The following FAM204A variants were observed in gnomAD, a reference collection of about 807,000 sequenced individuals.
FAM204A encodes protein FAM204A.
Under a neutral mutation model 35.4 loss-of-function variants are expected in FAM204A, and 16 were observed. The observed-to-expected ratio is 0.45, with a 90% CI of 0.31 to 0.69. The LOEUF (loss-of-function observed/expected upper bound fraction) is 0.69. Among genes scored for constraint, FAM204A ranks in the 30% least tolerant of loss-of-function variants. The pLI is 0.07. For missense variants in FAM204A, 240 were observed against 265.7 expected, an observed-to-expected ratio of 0.90 and a Z score of 0.67; for synonymous variants, 76 against 86.9, an observed-to-expected ratio of 0.88 and a Z score of 0.70.
intron 7 of FAM204A, among the ~76,000 whole-genome samples, chr10:118,325,488 G>A (rs1215559174): frequency 2.6e-5 from 4 of 151,766 alleles, no homozygotes; most frequent in African/African-American, 9.7e-5. Context: ...TTTTTTCCTA[G>A]AAAGGAAAAA....
chr10:118,329,292 A>G (rs900313932), intron 6 of FAM204A, among the ~76,000 whole-genome samples: 1 of 152,118 alleles, frequency 6.6e-6, no homozygotes, highest in Non-Finnish European at 1.5e-5. Context: ...TGAAACAGGC[A>G]TCATGTCATT....
In FAM204A at chr10:118,298,809, A is replaced by C. The variant is rs925311344; in HGVS notation, c.*12048T>G. 6.6e-6 allele frequency: 1 copy of C among 152,218 alleles called. No homozygotes were observed. Among genetic ancestry groups the C allele is most frequent in the Admixed American group, 6.5e-5 (1 of 15,280 alleles). The allele number at this position is 152,218 out of a possible 1,614,324, so 9.4% of individuals were successfully genotyped here. On this transcript the variant is annotated 3_prime_UTR_variant, in exon 9 of 9. Coordinates refer to ENST00000369183, the MANE Select transcript of FAM204A (RefSeq NM_022063.3). ...CCCAAGAGTGATCTAACCTTTGCAA[A>C]GCCTTCACTGATTCGGGAACCTCAA...
At chr10:118,324,534 C>T (rs1456632118) in intron 7 of FAM204A, among the ~76,000 whole-genome samples, 1 of 152,274 alleles carries the variant, frequency 6.6e-6, no homozygotes, top group East Asian at 1.9e-4. Context: ...CTGACACATG[C>T]TGCAGCAACA....
At chr10:118,314,881 G>C (rs1790248562) in intron 7 of FAM204A, among the ~76,000 whole-genome samples, 1 of 152,070 alleles carries the variant, frequency 6.6e-6, no homozygotes, top group South Asian at 2.1e-4. Flanking sequence ...AAATTGGTCA[G>C]AGCATGCAGT....
intron 7 of FAM204A, among the ~76,000 whole-genome samples, chr10:118,316,902 C>T (rs948643408): frequency 1.8e-4 from 27 of 152,102 alleles, no homozygotes; most frequent in African/African-American, 6.0e-4. Flanking sequence ...GTTGAAATTA[C>T]TCCTGGATAC....
At chr10:118,322,515 G>T (rs974165749) in intron 7 of FAM204A, 5 of 288,418 alleles carry the variant, frequency 1.7e-5, no homozygotes, top group Non-Finnish European at 3.6e-5. Flanking sequence ...GAAATATTAA[G>T]GTCCTGAGAA....
At chr10:118,328,071 C>T (rs1390602706) in intron 6 of FAM204A, among the ~76,000 whole-genome samples, 1 of 152,226 alleles carries the variant, frequency 6.6e-6, no homozygotes, top group African/African-American at 2.4e-5. Flanking sequence ...TTCAGGCACA[C>T]ACTCCTTATC....
intron 6 of FAM204A, among the ~76,000 whole-genome samples, chr10:118,334,609 A>G (rs371548576): frequency 2.0e-5 from 3 of 152,172 alleles, no homozygotes; most frequent in African/African-American, 7.2e-5. Context: ...TCTCAACTGC[A>G]TTGTGAATAA....
intron 7 of FAM204A, among the ~76,000 whole-genome samples, chr10:118,323,781 T>C (rs142369379): frequency 2.4e-4 from 36 of 152,208 alleles, no homozygotes; most frequent in Non-Finnish European, 3.4e-4. Flanking sequence ...GTACAATTAC[T>C]TGAAAGTATA....
intron 7 of FAM204A, among the ~76,000 whole-genome samples, chr10:118,319,207 T>C (rs1401573662): frequency 6.6e-6 from 1 of 152,046 alleles, no homozygotes; most frequent in Admixed American, 6.6e-5. Context: ...AGTCCTCTTC[T>C]AGGAGAATGC....
In FAM204A at chr10:118,301,591, A is replaced by AC. The variant is rs1845808594; in HGVS notation, c.*9265_*9266insG. On this transcript the variant is annotated 3_prime_UTR_variant, in exon 9 of 9. Coordinates refer to ENST00000369183, the MANE Select transcript of FAM204A (RefSeq NM_022063.3). ...TATATACAAACATCCTTGCAAAGAT[A>AC]GTTTGGAACAAAAGGGTACTTAGTG... 6.6e-6 allele frequency: 1 copy of AC among 152,202 alleles called. No individual in the cohort carries two copies. Among genetic ancestry groups the AC allele is most frequent in the Admixed American group, 6.5e-5 (1 of 15,282 alleles). 9.4% of individuals were successfully genotyped at this position (152,202 alleles called of 1,614,324 possible).
intron 2 of FAM204A, among the ~76,000 whole-genome samples, chr10:118,340,049 C>T (rs1478564258): frequency 6.6e-6 from 1 of 152,200 alleles, no homozygotes; most frequent in African/African-American, 2.4e-5. Context: ...ACAGGAGTCT[C>T]TAAGCTAATT....
chr10:118,304,379 G>C lies in FAM204A; in HGVS notation c.*6478C>G, dbSNP rs1454911238. ...ACTAATATAACATTACTCTTTAAAA[G>C]CCTGCTCTCTGACTACCTTCTTCAT... On this transcript the variant is annotated 3_prime_UTR_variant, in exon 9 of 9. Coordinates refer to ENST00000369183, the MANE Select transcript of FAM204A (RefSeq NM_022063.3). The C allele has an allele frequency of 6.6e-6, 1 of 152,110 alleles. No homozygotes were observed. The highest frequency in any genetic ancestry group is 1.5e-5 in the Non-Finnish European group (1 of 68,038). The allele number at this position is 152,110 out of a possible 1,614,324, so 9.4% of individuals were successfully genotyped here. A position where few individuals can be genotyped will look rare whatever the true frequency, so the allele number is the denominator to read the frequency against.
chr10:118,324,503 G>A (rs184841185), intron 7 of FAM204A, among the ~76,000 whole-genome samples: 1 of 152,292 alleles, frequency 6.6e-6, no homozygotes, highest in African/African-American at 2.4e-5. Context: ...GTATTATTCA[G>A]CCTTAAAAAG....
At chr10:118,319,676 T>G (rs1846081497) in intron 7 of FAM204A, among the ~76,000 whole-genome samples, 1 of 151,930 alleles carries the variant, frequency 6.6e-6, no homozygotes, top group African/African-American at 2.4e-5. Context: ...TATGAAAAAT[T>G]TTATCGTATC....
intron 2 of FAM204A, among the ~76,000 whole-genome samples, chr10:118,337,455 T>C (rs1224630850): frequency 6.6e-6 from 1 of 152,228 alleles, no homozygotes; most frequent in African/African-American, 2.4e-5. Context: ...CCATTCTCTC[T>C]GAGACAAACA....
rs1845836475 is a variant in FAM204A, at chr10:118,304,081, T to A, written c.*6776A>T. ...GTCTGGATGTCTGATTTGGCCAAGA[T>A]CACCGGTGCCATCTGATGCTAACTC... is the stretch of plus-strand genomic sequence containing the variant. On this transcript the variant is annotated 3_prime_UTR_variant, in exon 9 of 9. Coordinates refer to ENST00000369183, the MANE Select transcript of FAM204A (RefSeq NM_022063.3). 6.6e-6 allele frequency: 1 copy of A among 152,216 alleles called. No individual in the cohort carries two copies. Among genetic ancestry groups the A allele is most frequent in the African/African-American group, 2.4e-5 (1 of 41,444 alleles). The allele number at this position is 152,216 out of a possible 1,614,324, so 9.4% of individuals were successfully genotyped here. A position where few individuals can be genotyped will look rare whatever the true frequency, so the allele number is the denominator to read the frequency against.
chr10:118,318,774 T>C (rs1279556470), intron 7 of FAM204A, among the ~76,000 whole-genome samples: 1 of 151,962 alleles, frequency 6.6e-6, no homozygotes, highest in East Asian at 1.9e-4. Flanking sequence ...TTTTCAGTTA[T>C]TTTTTTGATG....
intron 6 of FAM204A, among the ~76,000 whole-genome samples, chr10:118,328,672 T>C (rs1228004947): frequency 6.6e-6 from 1 of 152,074 alleles, no homozygotes; most frequent in Non-Finnish European, 1.5e-5. Flanking sequence ...TTTTGTATTT[T>C]AGTATAGACA....
Sources: allele counts gnomAD v4.1 joint callset (sites outside exome capture counted in the v4.1 genomes callset), GRCh38; gene constraint gnomAD v4.1.1; transcripts MANE v1.5; gene names NCBI Gene and HGNC (gene_info 2026-07-23, HGNC 2026-07-21).